Variants in CDK14 observed in about 807,000 individuals in gnomAD.
The protein encoded by CDK14 is cyclin dependent kinase 14, also known as cyclin-dependent kinase 14.
In CDK14, 34 loss-of-function variants were observed where a neutral mutation model predicts 60.7. That is an observed-to-expected ratio of 0.56 (90% CI 0.43 to 0.75). CDK14 has a LOEUF of 0.75. Ranked by LOEUF, CDK14 falls within the 30% of genes least tolerant of loss-of-function variation. CDK14 has a pLI of 0.00. For synonymous variants in CDK14, 197 were observed against 203.7 expected (o/e 0.97, Z 0.28); for missense variants, 482 against 564.1 (o/e 0.85, Z 1.47).
intron 2 of CDK14, chr7:90,709,682 T>A: frequency 1.9e-6 from 3 of 1,556,136 alleles, no homozygotes; most frequent in Non-Finnish European, 2.6e-6. Context: ...AAGCTATTGA[T>A]ACTGAATGTT....
chr7:91,034,329 G>A (rs956410791), intron 10 of CDK14, among the ~76,000 whole-genome samples: 3 of 149,524 alleles, frequency 2.0e-5, no homozygotes, highest in African/African-American at 4.9e-5. Context: ...TAGGAATTTA[G>A]GGGATAGGTC....
intron 2 of CDK14, among the ~76,000 whole-genome samples, chr7:90,704,935 T>G (rs1801865998): frequency 6.6e-6 from 1 of 152,038 alleles, no homozygotes; most frequent in South Asian, 2.1e-4. Context: ...AGGTTGGGGT[T>G]TAGGCTTACT....
chr7:90,719,150 T>C (rs1336932541), intron 2 of CDK14, among the ~76,000 whole-genome samples: 25 of 152,136 alleles, frequency 1.6e-4, no homozygotes, highest in Non-Finnish European at 1.5e-5. Context: ...TTTTGCTTAT[T>C]TCATAGTTTT....
At chr7:91,004,335 C>T (rs1795922141) in intron 10 of CDK14, among the ~76,000 whole-genome samples, 1 of 152,176 alleles carries the variant, frequency 6.6e-6, no homozygotes, top group African/African-American at 2.4e-5. Context: ...AATAAAGGAA[C>T]ATTGTGAATA....
intron 2 of CDK14, among the ~76,000 whole-genome samples, chr7:90,612,859 A>G (rs745973126): frequency 1.3e-5 from 2 of 151,594 alleles, no homozygotes; most frequent in Non-Finnish European, 2.9e-5. Context: ...CCTAGATGCT[A>G]TGAACCTTCC....
chr7:90,638,642 G>A (rs1011054629), intron 2 of CDK14, among the ~76,000 whole-genome samples: 1 of 152,048 alleles, frequency 6.6e-6, no homozygotes, highest in African/African-American at 2.4e-5. Context: ...TATCTTTGTG[G>A]CGTTCTCTGT....
intron 6 of CDK14, 92 bp from the exon 7 acceptor site, chr7:90,899,199 C>T: frequency 9.9e-7 from 1 of 1,006,566 alleles, no homozygotes; most frequent in Non-Finnish European, 1.4e-6. Context: ...TTGCTCTGTT[C>T]AGAAGGTAAT....
chr7:91,156,787 C>G (rs948514702), intron 14 of CDK14, among the ~76,000 whole-genome samples: 1 of 152,170 alleles, frequency 6.6e-6, no homozygotes, highest in Non-Finnish European at 1.5e-5. Flanking sequence ...CCATTTTATG[C>G]TGAGCCTCTT....
rs189656394 is a variant in CDK14 at position 90,840,752 on chromosome 7, C to T, written c.545-22423C>T. 3.3e-5 allele frequency among the ~76,000 whole-genome samples: 5 copies of T among 152,292 alleles called. No individual in the cohort carries two copies. The East Asian group carries it at 9.6e-4, about 29-fold the overall frequency. ...ACTTCCACTTTGATGCATTCCCATT[C>T]CACAATCAGTATGTTTTACCTTTAC... On this transcript the variant is annotated intron_variant, in intron 5 of 14. Transcript: ENST00000380050.
chr7:91,034,512 GCTTC>G (rs1291085301), intron 10 of CDK14, among the ~76,000 whole-genome samples: 1 of 151,942 alleles, frequency 6.6e-6, no homozygotes, highest in Non-Finnish European at 1.5e-5. Context: ...TGTGTGTGTT[GCTTC>G]CTATATAAAC....
At chr7:91,118,253 T>TAGAAAAAGGTTCACTTTG in intron 14 of CDK14, 45 bp downstream of exon 14, 1 of 880,244 alleles carries the variant, frequency 1.1e-6, no homozygotes, top group Non-Finnish European at 1.8e-6. Context: ...TAATGGATAT[T>TAGAAAAAGGTTCACTTTG]GAACGGATTC....
At chr7:90,630,387 A>G (rs577217709) in intron 2 of CDK14, among the ~76,000 whole-genome samples, 33 of 152,320 alleles carry the variant, frequency 2.2e-4, no homozygotes, top group Admixed American at 3.9e-4. Context: ...AATGGTAAGT[A>G]CTTGTGTATC....
chr7:91,179,676 G>A (rs1307087165), intron 14 of CDK14, among the ~76,000 whole-genome samples: 20 of 152,006 alleles, frequency 1.3e-4, no homozygotes, highest in African/African-American at 2.4e-4. Flanking sequence ...GGTGGCGGGC[G>A]CCTGTAGTCC....
At chr7:90,851,759 T>A (rs935541680) in intron 5 of CDK14, among the ~76,000 whole-genome samples, 1 of 142,946 alleles carries the variant, frequency 7.0e-6, no homozygotes, top group African/African-American at 2.6e-5. Context: ...CCCTTTGTCA[T>A]TTTCTTGAAT....
At chr7:91,137,868 T>G (rs1037269961) in intron 14 of CDK14, among the ~76,000 whole-genome samples, 1 of 152,186 alleles carries the variant, frequency 6.6e-6, no homozygotes, top group Admixed American at 6.5e-5. Context: ...AAGAAATTTG[T>G]ACTGTGCTGA....
intron 2 of CDK14, among the ~76,000 whole-genome samples, chr7:90,719,410 C>T (rs2116680831): frequency 6.6e-6 from 1 of 152,290 alleles, no homozygotes; most frequent in East Asian, 1.9e-4. Context: ...AATGAATTCA[C>T]TTGAAATGAA....
At chr7:90,872,223 T>G (rs1284256648) in intron 6 of CDK14, among the ~76,000 whole-genome samples, 1 of 152,178 alleles carries the variant, frequency 6.6e-6, no homozygotes. Flanking sequence ...ATATTTGTGT[T>G]TTAGTGTAAA....
At chr7:90,840,481 A>G (rs1304990298) in intron 5 of CDK14, among the ~76,000 whole-genome samples, 1 of 152,212 alleles carries the variant, frequency 6.6e-6, no homozygotes, top group Non-Finnish European at 1.5e-5. Flanking sequence ...ATAAGTTCCC[A>G]TTTGATGTAT....
chr7:90,893,361 G>C (rs892165871), intron 6 of CDK14, among the ~76,000 whole-genome samples: 7 of 152,188 alleles, frequency 4.6e-5, no homozygotes, highest in African/African-American at 1.7e-4. Flanking sequence ...TTTTGGATAT[G>C]CGTAGTTACC....
Sources: allele counts gnomAD v4.1 joint callset (sites outside exome capture counted in the v4.1 genomes callset), GRCh38; gene constraint gnomAD v4.1.1; transcripts MANE v1.5; gene names NCBI Gene and HGNC (gene_info 2026-07-23, HGNC 2026-07-21).